The following SLC7A2 variants were observed in gnomAD, a reference collection of about 807,000 sequenced individuals.
SLC7A2 encodes the protein cationic amino acid transporter 2.
A neutral mutation model predicts 58.9 loss-of-function variants in SLC7A2; 48 were observed. The observed-to-expected ratio is 0.82, with a 90% CI of 0.65 to 1.04. SLC7A2 has a LOEUF of 1.04. SLC7A2 is among the 50% of genes least tolerant of loss of function. SLC7A2 has a pLI of 0.00. For synonymous variants in SLC7A2, 363 were observed against 314.5 expected (o/e 1.15, Z -1.63); for missense variants, 1,029 against 818.8 (o/e 1.26, Z -3.13).
Position 17,548,668 on chromosome 8 carries a change from T to G in SLC7A2, c.533-10T>G. Reference sequence around the variant, plus strand: ...AGCTAAATAAAAATTGAAATGCCCTTTTTCCATAGGTCTTTTGTCTTTTGG... The same window carrying G: ...AGCTAAATAAAAATTGAAATGCCCTGTTTCCATAGGTCTTTTGTCTTTTGG... On this transcript the variant is annotated splice_polypyrimidine_tract_variant and intron_variant, in intron 4 of 12. Transcript: ENST00000494857. 9 of 1,587,480 alleles carry G rather than the reference T, an allele frequency of 5.7e-6. No homozygotes were observed. The highest frequency in any genetic ancestry group is 7.7e-6 in the Non-Finnish European group (9 of 1,168,486).
chr8:17,567,723 G>A lies in SLC7A2; in HGVS notation c.*2577G>A, dbSNP rs1405820494. The A allele has an allele frequency of 6.6e-6, 1 of 152,152 alleles. No individual in the cohort carries two copies. Among genetic ancestry groups the A allele is most frequent in the Non-Finnish European group, 1.5e-5 (1 of 68,012 alleles). The allele number at this position is 152,152 out of a possible 1,614,324, so 9.4% of individuals were successfully genotyped here. A position where few individuals can be genotyped will look rare whatever the true frequency, so the allele number is the denominator to read the frequency against. On this transcript the variant is annotated 3_prime_UTR_variant, in exon 13 of 13. Coordinates refer to ENST00000494857, the MANE Select transcript of SLC7A2 (RefSeq NM_001370338.1). The stretch of plus-strand genomic sequence containing the variant: ...TAGATATGCTTATACCTAATTTTTA[G>A]TTTTTAAACTATTTTAAAATATACT...
At chr8:17,560,202 A>T in intron 9 of SLC7A2, 126 bp from the exon 10 acceptor site, 1 of 687,010 alleles carries the variant, frequency 1.5e-6, no homozygotes, top group Non-Finnish European at 2.6e-6. Flanking sequence ...GACTGGAGTC[A>T]TAAGTGTTGA....
rs530691244 is a variant in SLC7A2 at position 17,520,287 on chromosome 8, G to A, written c.-23+17985G>A. Among the ~76,000 whole-genome samples the A allele has an allele frequency of 1.2e-4, 18 of 152,174 alleles. No homozygotes were observed. In the East Asian group the frequency reaches 1.6e-3, roughly 13 times the overall value. ...AGCATAGGGGTTCATGAGAATATTTGTGTATGTGGTGTATGTGTATATATA... is the reference window on the plus strand; with the variant it reads ...AGCATAGGGGTTCATGAGAATATTTATGTATGTGGTGTATGTGTATATATA... On this transcript the variant is annotated intron_variant, in intron 2 of 12. Coordinates refer to ENST00000494857, the MANE Select transcript of SLC7A2 (RefSeq NM_001370338.1).
chr8:17,532,350 A>T (rs997549952), intron 2 of SLC7A2, among the ~76,000 whole-genome samples: 1 of 150,220 alleles, frequency 6.7e-6, no homozygotes, highest in Middle Eastern at 3.5e-3. Flanking sequence ...CCTGACCCCA[A>T]TCCCAGTGTG....
chr8:17,548,629 AT>A, intron 4 of SLC7A2, 48 bp from the exon 5 acceptor site: 1 of 1,412,892 alleles, frequency 7.1e-7, no homozygotes, highest in Non-Finnish European at 9.8e-7. Context: ...TCAAAATGCT[AT>A]TGCCTTTCCT....
intron 2 of SLC7A2, among the ~76,000 whole-genome samples, chr8:17,526,844 C>T (rs1204424916): frequency 6.6e-6 from 1 of 152,192 alleles, no homozygotes; most frequent in Admixed American, 6.5e-5. Context: ...ACGATTATTA[C>T]ACTGGCGAAT....
intron 7 of SLC7A2, among the ~76,000 whole-genome samples, chr8:17,553,715 G>A (rs1436173286): frequency 2.6e-5 from 4 of 152,140 alleles, no homozygotes; most frequent in Non-Finnish European, 5.9e-5. Context: ...GAGTTTGAGG[G>A]CACAGTGAGC....
chr8:17,532,778 T>C (rs1801511563), intron 2 of SLC7A2, among the ~76,000 whole-genome samples: 1 of 152,134 alleles, frequency 6.6e-6, no homozygotes, highest in Non-Finnish European at 1.5e-5. Context: ...TTCATAAAAA[T>C]AAAAAGCATT....
At chr8:17,543,784 GGTTCA>G in intron 3 of SLC7A2, 69 bp downstream of exon 3, 2 of 1,419,034 alleles carry the variant, frequency 1.4e-6, no homozygotes, top group Non-Finnish European at 1.9e-6. Context: ...ACAGCCCTTA[GGTTCA>G]GTTGTAGGTG....
chr8:17,558,262 G>A (rs146587396), intron 8 of SLC7A2, 33 bp from the exon 9 acceptor site: 57 of 1,430,928 alleles, frequency 4.0e-5, no homozygotes, highest in East Asian at 9.1e-5. Context: ...CTCCTGGGCC[G>A]TTTACTTCAC....
intron 1 of SLC7A2, chr8:17,500,653 G>C (rs879444856): frequency 6.6e-6 from 1 of 152,188 alleles, no homozygotes. Flanking sequence ...GCCAGGTTTG[G>C]TGGCAGGTGC....
At chr8:17,525,177 CTCT>C (rs1038349402) in intron 2 of SLC7A2, among the ~76,000 whole-genome samples, 3 of 152,162 alleles carry the variant, frequency 2.0e-5, no homozygotes, top group Non-Finnish European at 2.9e-5. Context: ...AGATGCTGGG[CTCT>C]TCTTCTCCCT....
intron 11 of SLC7A2, among the ~76,000 whole-genome samples, chr8:17,563,349 A>G (rs1237764324): frequency 1.3e-5 from 2 of 152,158 alleles, no homozygotes; most frequent in African/African-American, 2.4e-5. Flanking sequence ...AACCCCAAAG[A>G]AAGCTAAATC....
At chr8:17,547,593 G>C (rs987837816) in intron 4 of SLC7A2, among the ~76,000 whole-genome samples, 3 of 152,146 alleles carry the variant, frequency 2.0e-5, no homozygotes, top group African/African-American at 7.2e-5. Flanking sequence ...GAAAATTGTT[G>C]TATAGAAGTA....
intron 2 of SLC7A2, among the ~76,000 whole-genome samples, chr8:17,535,319 G>A (rs2588235): frequency 0.069 from 10,500 of 152,018 alleles, 474 homozygotes; most frequent in East Asian, 0.25. Flanking sequence ...TTCTCACTGA[G>A]CTTTCAGATG....
intron 2 of SLC7A2, 85 bp from the exon 3 acceptor site, chr8:17,543,233 T>C (rs1801996147): frequency 2.5e-6 from 3 of 1,177,160 alleles, no homozygotes; most frequent in Non-Finnish European, 2.4e-6. Context: ...CACACACACA[T>C]ACTCTAATTG....
At chr8:17,557,402 G>T (rs1802757879) in intron 8 of SLC7A2, among the ~76,000 whole-genome samples, 1 of 152,054 alleles carries the variant, frequency 6.6e-6, no homozygotes, top group South Asian at 2.1e-4. Flanking sequence ...TGGTATGCAG[G>T]ACCAGAAACT....
At chr8:17,526,402 G>T (rs1369683052) in intron 2 of SLC7A2, among the ~76,000 whole-genome samples, 1 of 152,176 alleles carries the variant, frequency 6.6e-6, no homozygotes, top group African/African-American at 2.4e-5. Context: ...TTTTGCTTTT[G>T]TCTTTACACA....
chr8:17,521,582 G>A (rs969297637), intron 2 of SLC7A2, among the ~76,000 whole-genome samples: 16 of 152,216 alleles, frequency 1.1e-4, no homozygotes. Context: ...AGTGAAGACA[G>A]CCGTGGCAGG....
Sources: gnomAD v4.1 joint callset for allele counts (sites outside exome capture counted in the v4.1 genomes callset) on GRCh38, gnomAD v4.1.1 for gene constraint, MANE v1.5 for transcripts, NCBI Gene and HGNC (gene_info 2026-07-23, HGNC 2026-07-21) for gene names.